Variants in LARGE1 observed in about 807,000 individuals in gnomAD.
LARGE1 encodes the protein xylosyl- and glucuronyltransferase LARGE1.
Under a neutral mutation model 87.6 loss-of-function variants are expected in LARGE1, and 43 were observed. The observed-to-expected ratio is 0.49, with a 90% CI of 0.38 to 0.63. The LOEUF is 0.63. LARGE1 is among the 30% of genes least tolerant of loss of function. The pLI is 0.00. For missense variants in LARGE1, 802 were observed against 1,000.2 expected, an observed-to-expected ratio of 0.80 and a Z score of 2.67; for synonymous variants, 434 against 394.6, an observed-to-expected ratio of 1.10 and a Z score of -1.18.
chr22:33,878,984 C>CT (rs869180743), intron 1 of LARGE1, among the ~76,000 whole-genome samples: 50 of 128,038 alleles, frequency 3.9e-4, no homozygotes, highest in South Asian at 4.9e-4. Context: ...CTTCTTCTTC[C>CT]TTTTTTTTTT....
At chr22:33,366,349 T>C (rs549309371) in intron 9 of LARGE1, among the ~76,000 whole-genome samples, 38 of 152,392 alleles carry the variant, frequency 2.5e-4, no homozygotes, top group Non-Finnish European at 4.7e-4. Context: ...AATAGTTTAC[T>C]GTAGGTTTTC....
chr22:33,171,029 G>A (rs1325488420), intron 11 of LARGE1, among the ~76,000 whole-genome samples: 2 of 152,194 alleles, frequency 1.3e-5, no homozygotes, highest in Non-Finnish European at 2.9e-5. Context: ...TGGAGATAAG[G>A]AAGTTTTTGG....
At chr22:33,446,867 G>C (rs923411116) in intron 6 of LARGE1, among the ~76,000 whole-genome samples, 12 of 152,152 alleles carry the variant, frequency 7.9e-5, no homozygotes, top group Admixed American at 2.0e-4. Flanking sequence ...TTGAGACTAG[G>C]TGCTGATGTG....
At chr22:33,838,351 A>G (rs1184034299) in intron 1 of LARGE1, among the ~76,000 whole-genome samples, 1 of 152,226 alleles carries the variant, frequency 6.6e-6, no homozygotes, top group Non-Finnish European at 1.5e-5. Flanking sequence ...TGTGTTTTAA[A>G]AAATTGGACA....
chr22:33,611,517 C>A (rs1265840301), intron 4 of LARGE1, among the ~76,000 whole-genome samples: 1 of 152,186 alleles, frequency 6.6e-6, no homozygotes, highest in Non-Finnish European at 1.5e-5. Flanking sequence ...GAGTGTTGAC[C>A]TCATGCCTGT....
At chr22:33,328,372 G>A (rs1276245828) in intron 10 of LARGE1, among the ~76,000 whole-genome samples, 2 of 152,058 alleles carry the variant, frequency 1.3e-5, no homozygotes, top group African/African-American at 4.8e-5. Context: ...ACGAGGTCAG[G>A]AGTTCAAGAC....
the LARGE1 span, among the ~76,000 whole-genome samples, chr22:33,117,469 G>A: frequency 6.6e-6 from 1 of 151,898 alleles, no homozygotes; most frequent in Non-Finnish European, 1.5e-5. Flanking sequence ...GAGGGTCCTA[G>A]GGGAGCTTAA....
chr22:33,368,619 T>C (rs867287863), intron 9 of LARGE1, among the ~76,000 whole-genome samples: 1 of 152,042 alleles, frequency 6.6e-6, no homozygotes, highest in African/African-American at 2.4e-5. Flanking sequence ...TCCCTGGAGT[T>C]CTAATGAGCT....
At chr22:33,481,963 AC>A (rs1378081659) in intron 6 of LARGE1, among the ~76,000 whole-genome samples, 1 of 152,198 alleles carries the variant, frequency 6.6e-6, no homozygotes, top group Non-Finnish European at 1.5e-5. Context: ...TTTCCTACCT[AC>A]CAGACAGTTA....
chr22:33,433,551 G>A (rs1208784019), intron 6 of LARGE1, among the ~76,000 whole-genome samples: 2 of 136,724 alleles, frequency 1.5e-5, no homozygotes, highest in Non-Finnish European at 3.0e-5. Context: ...AGCCGAGATC[G>A]CACCACTGCA....
At chr22:33,777,229 G>T (rs541952467) in intron 1 of LARGE1, among the ~76,000 whole-genome samples, 214 of 152,302 alleles carry the variant, frequency 1.4e-3, no homozygotes, top group Non-Finnish European at 2.5e-3. Context: ...AGAACACTCA[G>T]ATAATGGGAC....
intron 11 of LARGE1, among the ~76,000 whole-genome samples, chr22:33,239,446 G>A (rs974934587): frequency 1.3e-5 from 2 of 150,886 alleles, no homozygotes; most frequent in Non-Finnish European, 3.0e-5. Flanking sequence ...CACTTTCCTG[G>A]TTATTAAGCT....
chr22:33,831,085 A>AT (rs1030691533), intron 1 of LARGE1, among the ~76,000 whole-genome samples: 1 of 146,372 alleles, frequency 6.8e-6, no homozygotes, highest in East Asian at 2.0e-4. Flanking sequence ...AGCAGATATT[A>AT]TTTTTTTCTT....
chr22:33,155,233 G>A, the LARGE1 span, among the ~76,000 whole-genome samples: 4 of 152,298 alleles, frequency 2.6e-5, no homozygotes, highest in Middle Eastern at 3.4e-3. Flanking sequence ...ACAGGTAGAG[G>A]TACCTGTTAC....
intron 6 of LARGE1, among the ~76,000 whole-genome samples, chr22:33,520,586 A>G (rs2071532572): frequency 6.6e-6 from 1 of 152,218 alleles, no homozygotes; most frequent in Admixed American, 6.5e-5. Flanking sequence ...CTGGGCATTG[A>G]GCTGAGCCAC....
chr22:33,694,682 A>G (rs996208657), intron 2 of LARGE1, among the ~76,000 whole-genome samples: 3 of 152,180 alleles, frequency 2.0e-5, no homozygotes, highest in African/African-American at 7.2e-5. Flanking sequence ...TCACATACAC[A>G]TACACATACA....
chr22:33,136,388 A>G, the LARGE1 span, among the ~76,000 whole-genome samples: 1 of 152,218 alleles, frequency 6.6e-6, no homozygotes, highest in Non-Finnish European at 1.5e-5. Flanking sequence ...TTATAAAACC[A>G]TCAGATCTTG....
chr22:33,536,547 T>C (rs1300634623), intron 6 of LARGE1, among the ~76,000 whole-genome samples: 1 of 152,230 alleles, frequency 6.6e-6, no homozygotes, highest in Non-Finnish European at 1.5e-5. Context: ...CAAAGACAAG[T>C]CAACAAGCAT....
chr22:33,578,389 C>A (rs1020745190), intron 5 of LARGE1, among the ~76,000 whole-genome samples: 1 of 152,060 alleles, frequency 6.6e-6, no homozygotes, highest in Non-Finnish European at 1.5e-5. Context: ...GAAAGTGAGT[C>A]ATTTATCTAA....
Sources: allele counts gnomAD v4.1 joint callset (sites outside exome capture counted in the v4.1 genomes callset), GRCh38; gene constraint gnomAD v4.1.1; transcripts MANE v1.5; gene names NCBI Gene and HGNC (gene_info 2026-07-23, HGNC 2026-07-21).